ADAD2: variants seen among roughly 807,000 people sequenced by gnomAD.
ADAD2 encodes the protein adenosine deaminase domain-containing protein 2.
ADAD2 carries 60 observed loss-of-function variants against 54.5 expected under a neutral mutation model. The observed-to-expected ratio is 1.10, with a 90% confidence interval of 0.89 to 1.36. The LOEUF (loss-of-function observed/expected upper bound fraction) is 1.36. Ranked by LOEUF, ADAD2 falls within the 40% of genes most tolerant of loss-of-function variation. ADAD2 has a pLI of 0.00. For missense variants in ADAD2, 1,103 were observed against 801.3 expected, an observed-to-expected ratio of 1.38 and a Z score of -4.54; for synonymous variants, 543 against 366.2, an observed-to-expected ratio of 1.48 and a Z score of -5.51.
chr16:84,193,019 G>T (rs2151326262), intron 1 of ADAD2: 1 of 151,374 alleles, frequency 6.6e-6, no homozygotes, highest in Non-Finnish European at 1.5e-5. Flanking sequence ...TAATTTTTTT[G>T]TGTTTTAATA....
chr16:84,195,313 G>C lies in ADAD2; in HGVS notation c.751G>C (p.Gly251Arg). 1.2e-6 allele frequency: 2 copies of C among 1,611,158 alleles called. No homozygotes were observed. Among genetic ancestry groups the C allele is most frequent in the Non-Finnish European group, 8.5e-7 (1 of 1,179,770 alleles). Residue 251 changes from glycine to arginine, a missense_variant, in exon 5 of 10, where the codon GGC becomes CGC. Physicochemically the swap from Gly to Arg is moderately radical, Grantham distance 125 (BLOSUM62 -2). Coordinates refer to ENST00000315906, the MANE Select transcript of ADAD2 (RefSeq NM_001145400.2). ...ILEREIPRAR[G>R]HVKEIYKLVA... ...CTGCACAGAGATCCCGCGTGCCAGG[G>C]GCCACGTGAAGGAGATCTACAAGCT...
In ADAD2 at chr16:84,191,343, A is replaced by T; in HGVS notation, c.113A>T (p.Gln38Leu). The T allele has an allele frequency of 1.3e-6, 2 of 1,571,906 alleles. No homozygotes were observed. Among genetic ancestry groups the T allele is most frequent in the Middle Eastern group, 1.9e-4 (1 of 5,216 alleles). The change falls in exon 1 of 10, where the codon CAG (glutamine) becomes CTG (leucine). Residue 38 changes from glutamine (Q) to leucine (L), a missense_variant. Coordinates refer to ENST00000315906, the MANE Select transcript of ADAD2 (RefSeq NM_001145400.2). ...QPRPWRPLPA[Q>L]AQSAWGPAPA... ...CGCCCCTGGCGACCGCTACCCGCCC[A>T]GGCCCAAAGTGCCTGGGGGCCCGCG...
Position 84,196,779 on chromosome 16 carries a change from A to G in ADAD2, c.1647+12A>G. 6.3e-7 allele frequency: 1 copy of G among 1,590,622 alleles called. No homozygotes were observed. The highest frequency in any genetic ancestry group is 8.6e-7 in the Non-Finnish European group (1 of 1,166,614). ...ACGAGGCTGCCAAGGTTGGTTCCCC[A>G]CCCTCCCCCCGTCCCGGTCCCTCTC... On this transcript the variant is annotated intron_variant, in intron 9 of 9. Coordinates refer to ENST00000315906, the MANE Select transcript of ADAD2 (RefSeq NM_001145400.2).
At position 84,191,560 on chromosome 16, in the gene ADAD2, C is replaced by T. The variant is rs1266306090; in HGVS notation, c.330C>T (p.Asp110=). 6.5e-7 allele frequency: 1 copy of T among 1,548,974 alleles called. No homozygotes were observed. The highest frequency in any genetic ancestry group is 8.7e-7 in the Non-Finnish European group (1 of 1,146,802). ...CAGGGCTCAGCCTGCCGCTCAAAGACCCACCTGCCAGCCAGGCCGTGTCCT... is the reference window on the plus strand; with the variant it reads ...CAGGGCTCAGCCTGCCGCTCAAAGATCCACCTGCCAGCCAGGCCGTGTCCT... ...PPAGLSLPLK[D]PPASQAVSLL... is the part of the protein sequence containing the mutation. Residue 110 remains aspartate (D), a synonymous_variant, in exon 1 of 10, where the codon GAC becomes GAT. Transcript: ENST00000315906.
Position 84,196,387 on chromosome 16 carries a change from G to T in ADAD2, c.1526+17G>T, listed in dbSNP as rs749298783. 4.4e-6 allele frequency: 7 copies of T among 1,604,426 alleles called. No individual in the cohort carries two copies. The African/African-American group carries it at 9.4e-5, about 21-fold the overall frequency. ...GAAGGCCAAGTGAGAAGGGCCCCCT[G>T]GGGCCGGGCTGTGGAGCAGTGCTGG... On this transcript the variant is annotated intron_variant, in intron 8 of 9. Coordinates refer to ENST00000315906, the MANE Select transcript of ADAD2 (RefSeq NM_001145400.2).
chr16:84,193,881 G>C, intron 1 of ADAD2: 1 of 1,082,546 alleles, frequency 9.2e-7, no homozygotes, highest in Non-Finnish European at 1.3e-6. Context: ...CAGTCCTTGG[G>C]AGAAACAATT....
chr16:84,196,807 G>GCCCTGCAGTCCCTGCC, intron 9 of ADAD2, 40 bp downstream of exon 9: 1 of 1,598,168 alleles, frequency 6.3e-7, no homozygotes, highest in African/African-American at 1.3e-5. Flanking sequence ...TCCCTCTCCA[G>GCCCTGCAGTCCCTGCC]CCCTGCAGTC....
Position 84,196,472 on chromosome 16 carries a change from G to A in ADAD2, c.1526+102G>A, listed in dbSNP as rs557023831. The A allele has an allele frequency of 4.6e-4, 335 of 725,086 alleles. 4 individuals are homozygous for A. The South Asian group carries it at 5.7e-3, about 12-fold the overall frequency. The allele number at this position is 725,086 out of a possible 1,614,324, so 44.9% of individuals were successfully genotyped here. Reference sequence around the variant, plus strand: ...AGTCTAATCCCAGCGCAACCCCTTCGCTCAACCCCTTCGCTCAACCCCTTC... The same window carrying A: ...AGTCTAATCCCAGCGCAACCCCTTCACTCAACCCCTTCGCTCAACCCCTTC... On this transcript the variant is annotated intron_variant, in intron 8 of 9. Coordinates refer to ENST00000315906, the MANE Select transcript of ADAD2 (RefSeq NM_001145400.2).
intron 1 of ADAD2, 116 bp downstream of exon 1, chr16:84,191,764 A>T (rs1427533581): frequency 4.8e-6 from 7 of 1,445,434 alleles, no homozygotes; most frequent in African/African-American, 1.4e-5. Flanking sequence ...ATGCTCAGAG[A>T]CACCGCCGGA....
At chr16:84,194,255 G>C (rs1363128650) in intron 1 of ADAD2, 187 bp from the exon 2 acceptor site, 2 of 1,553,474 alleles carry the variant, frequency 1.3e-6, no homozygotes, top group African/African-American at 2.7e-5. Flanking sequence ...ATGGGTCACA[G>C]CCTGCAGAGG....
Position 84,195,870 on chromosome 16 carries a change from G to T in ADAD2, c.1108G>T (p.Ala370Ser). Residue 370 changes from alanine (A) to serine (S), a missense_variant, in exon 7 of 10, where the codon GCC becomes TCC. Transcript: ENST00000315906. ...LPHSPPMRLQ[A>S]HVLGQLKPVC... Reference sequence around the variant, plus strand: ...GCACAGCCCACCCATGCGCCTGCAGGCCCATGTGCTCGGGCAGCTGAAGCC... The same window carrying T: ...GCACAGCCCACCCATGCGCCTGCAGTCCCATGTGCTCGGGCAGCTGAAGCC... 6.2e-7 allele frequency: 1 copy of T among 1,605,680 alleles called. No homozygotes were observed.
At chr16:84,194,792 G>T (rs1477945134) in intron 2 of ADAD2, 141 bp from the exon 3 acceptor site, 6 of 1,260,032 alleles carry the variant, frequency 4.8e-6, no homozygotes, top group African/African-American at 3.0e-5. Flanking sequence ...GACACCGGGG[G>T]TAGGGACCGC....
Position 84,191,797 on chromosome 16 carries a change from G to T in ADAD2, c.418+149G>T. 3 of 1,207,916 alleles carry T rather than the reference G, an allele frequency of 2.5e-6. No individual in the cohort carries two copies. The South Asian group carries it at 3.9e-5, about 16-fold the overall frequency. 74.8% of individuals were successfully genotyped at this position (1,207,916 alleles called of 1,614,324 possible). A position where few individuals can be genotyped will look rare whatever the true frequency, so the allele number is the denominator to read the frequency against. On this transcript the variant is annotated intron_variant, in intron 1 of 9. Transcript: ENST00000315906. ...GGAGCAGGACCTGGCCTGAGCTTGG[G>T]ACCTTGGGGTGGACCCTGCTGTGAG...
At chr16:84,192,139 T>G (rs779807698) in intron 1 of ADAD2, among the ~76,000 whole-genome samples, 14 of 152,186 alleles carry the variant, frequency 9.2e-5, no homozygotes, top group Non-Finnish European at 1.9e-4. Flanking sequence ...TCAGAGTGGT[T>G]GTTTTGTGTT....
chr16:84,192,778 T>A, intron 1 of ADAD2: 1 of 151,582 alleles, frequency 6.6e-6, no homozygotes, highest in South Asian at 2.1e-4. Context: ...TCCTGACCTC[T>A]AGTGATCCGC....
Position 84,196,695 on chromosome 16 carries a change from G to C in ADAD2, c.1575G>C (p.Arg525=). Residue 525 remains arginine (R), a synonymous_variant, in exon 9 of 10, where the codon CGG becomes CGC. Coordinates refer to ENST00000315906, the MANE Select transcript of ADAD2 (RefSeq NM_001145400.2). The part of the protein sequence containing the change: ...PSRLCKASFL[R]AFHQAARAVG... ...GTCTCTGCAAGGCCTCCTTTCTCCG[G>C]GCCTTTCACCAGGCGGCCAGGGCTG... is the stretch of plus-strand genomic sequence containing the variant. The C allele has an allele frequency of 6.2e-7, 1 of 1,613,356 alleles. No homozygotes were observed. The highest frequency in any genetic ancestry group is 8.5e-7 in the Non-Finnish European group (1 of 1,179,986).
At chr16:84,194,206 G>C in intron 1 of ADAD2, 1 of 1,568,780 alleles carries the variant, frequency 6.4e-7, no homozygotes, top group Non-Finnish European at 8.7e-7. Context: ...ACGCATCCCT[G>C]CTGTGGAGGA....
rs753285208 is a variant in ADAD2 at position 84,196,357 on chromosome 16, C to T, written c.1513C>T (p.Arg505Cys). ...GIEVVDVATG[R>C]VKANAALGPP... The stretch of plus-strand genomic sequence containing the variant: ...CGAGGTTGTGGATGTGGCCACCGGG[C>T]GTGTGAAGGCCAAGTGAGAAGGGCC... The change falls in exon 8 of 10, where the codon CGT becomes TGT. Residue 505 changes from arginine to cysteine, a missense_variant. Physicochemically the swap from Arg to Cys is radical, Grantham distance 180 (BLOSUM62 -3). Coordinates refer to ENST00000315906, the MANE Select transcript of ADAD2 (RefSeq NM_001145400.2). 27 of 1,611,256 alleles carry T rather than the reference C, an allele frequency of 1.7e-5. No homozygotes were observed. The highest frequency in any genetic ancestry group is 6.7e-5 in the East Asian group (3 of 44,856).
chr16:84,194,505 C>T lies in ADAD2; in HGVS notation c.482C>T (p.Ala161Val), dbSNP rs577228328. Residue 161 changes from alanine (A) to valine (V), a missense_variant, in exon 2 of 10, where the codon GCG becomes GTG. Ala to Val is a moderately conservative substitution (Grantham distance 64). Transcript: ENST00000315906. ...LDGVVCPAGT[A>V]NSKTEAKQQA... ...GGGGTGGTCTGCCCTGCGGGCACTG[C>T]GAATAGCAAGACGGAGGCCAAACAG... 6.2e-6 allele frequency: 10 copies of T among 1,612,210 alleles called. No individual in the cohort carries two copies. The highest frequency in any genetic ancestry group is 1.1e-5 in the South Asian group (1 of 90,676).
Sources: allele counts gnomAD v4.1 joint callset (sites outside exome capture counted in the v4.1 genomes callset), GRCh38; gene constraint gnomAD v4.1.1; transcripts MANE v1.5; gene names NCBI Gene and HGNC (gene_info 2026-07-23, HGNC 2026-07-21).